Variants in SYNE1 observed in about 807,000 individuals in gnomAD.
The protein encoded by SYNE1 is spectrin repeat containing nuclear envelope protein 1, also known as nesprin-1.
In SYNE1, 616 loss-of-function variants were observed where a neutral mutation model predicts 1,111.0. That is an observed-to-expected ratio of 0.55 (90% CI 0.52 to 0.59). SYNE1 has a LOEUF of 0.59. SYNE1 is among the 20% of genes least tolerant of loss of function. The pLI, the probability that SYNE1 is intolerant of heterozygous loss-of-function variation, is 0.00. For missense variants in SYNE1, 10,006 were observed against 10,417.0 expected, an observed-to-expected ratio of 0.96 and a Z score of 1.72; for synonymous variants, 3,855 against 3,825.8, an observed-to-expected ratio of 1.01 and a Z score of -0.28.
In SYNE1 at chr6:152,138,512, AAAATAAATAAATAAAT is replaced by A. The variant is rs200341649; in HGVS notation, c.25458+1422_25458+1437del. Reference sequence around the variant, plus strand: ...GGTGATAGAGTGAGACTCTGTCTCAAAAATAAATAAATAAATAAATAAATAAATAAATAAATAAATA... The same window carrying A: ...GGTGATAGAGTGAGACTCTGTCTCAAAAATAAATAAATAAATAAATAAATA... On this transcript the variant is annotated intron_variant, in intron 140 of 145. Transcript: ENST00000367255. Among the ~76,000 whole-genome samples the A allele has an allele frequency of 5.2e-3, 740 of 141,846 alleles. 9 individuals are homozygous for A. The East Asian group carries it at 0.059, about 11-fold the overall frequency. The allele number at this position is 141,846 out of a possible 152,430, so 93.1% of individuals were successfully genotyped here. A position where few individuals can be genotyped will look rare whatever the true frequency, so the allele number is the denominator to read the frequency against.
At chr6:152,185,090 A>T (rs2069434004) in intron 128 of SYNE1, among the ~76,000 whole-genome samples, 1 of 152,204 alleles carries the variant, frequency 6.6e-6, no homozygotes, top group Non-Finnish European at 1.5e-5. Flanking sequence ...TGACAAAACA[A>T]CGAGCAATTA....
chr6:152,441,134 G>C lies in SYNE1; in HGVS notation c.4145C>G (p.Thr1382Arg). ...LESLSSELEQ[T>R]KEFSKRTESI... ...TACCAAGGAGCCATAATATACCTTTGTTTGTTCCAGTTCTGAAGATAAACT... is the reference window on the plus strand; with the variant it reads ...TACCAAGGAGCCATAATATACCTTTCTTTGTTCCAGTTCTGAAGATAAACT... Residue 1382 changes from threonine (T) to arginine (R), a missense_variant, in exon 32 of 146, where the codon ACA (threonine) becomes AGA (arginine). Physicochemically the swap from Thr to Arg is moderately conservative, Grantham distance 71. Coordinates refer to ENST00000367255, the MANE Select transcript of SYNE1 (RefSeq NM_182961.4). The C allele has an allele frequency of 6.2e-7, 1 of 1,613,416 alleles. No homozygotes were observed. The highest frequency in any genetic ancestry group is 1.1e-5 in the South Asian group (1 of 91,046).
chr6:152,144,518 G>A (rs1032721885), intron 137 of SYNE1: 19 of 151,632 alleles, frequency 1.3e-4, no homozygotes, highest in African/African-American at 3.7e-4. Flanking sequence ...CAAAGTCTTC[G>A]AACTACACAG....
At position 152,189,293 on chromosome 6, in the gene SYNE1, C is replaced by T. The variant is rs150550013; in HGVS notation, c.23260G>A (p.Val7754Ile). The T allele has an allele frequency of 3.3e-4, 533 of 1,613,962 alleles. 1 individual carries two copies. Among genetic ancestry groups the T allele is most frequent in the East Asian group, 4.9e-4 (22 of 44,850 alleles). The change falls in exon 128 of 146, where the codon GTA (valine) becomes ATA (isoleucine). Residue 7754 changes from valine (V) to isoleucine (I), a missense_variant. Transcript: ENST00000367255. The stretch of plus-strand genomic sequence containing the variant: ...TCCCACTGCCTTTGCAGAAGCTCTA[C>T]GCGTTCATTAAGAATGGAGATATCA... ...ADDISILNERVELLQRQWEEL... is the reference protein window; with the variant it reads ...ADDISILNERIELLQRQWEEL...
At chr6:152,386,835 A>G (rs2097533419) in intron 54 of SYNE1, among the ~76,000 whole-genome samples, 1 of 152,202 alleles carries the variant, frequency 6.6e-6, no homozygotes, top group Non-Finnish European at 1.5e-5. Context: ...AGCAATAAAG[A>G]ATAATCCCAA....
chr6:152,285,438 A>G (rs1234497502), intron 95 of SYNE1, among the ~76,000 whole-genome samples: 1 of 152,188 alleles, frequency 6.6e-6, no homozygotes, highest in African/African-American at 2.4e-5. Flanking sequence ...AATATCAATT[A>G]GGTCCTCTCA....
At chr6:152,223,011 A>G (rs2080535018) in intron 117 of SYNE1, among the ~76,000 whole-genome samples, 1 of 152,220 alleles carries the variant, frequency 6.6e-6, no homozygotes, top group African/African-American at 2.4e-5. Context: ...AGTTCTTCAT[A>G]AAACTCCACA....
intron 3 of SYNE1, among the ~76,000 whole-genome samples, chr6:152,595,794 C>G (rs1164239498): frequency 6.6e-6 from 1 of 152,110 alleles, no homozygotes; most frequent in Non-Finnish European, 1.5e-5. Context: ...CAGTAAACTT[C>G]AAGGTCACAC....
intron 3 of SYNE1, among the ~76,000 whole-genome samples, chr6:152,577,115 G>C (rs1236059653): frequency 6.6e-6 from 1 of 152,140 alleles, no homozygotes. Context: ...AAGTGTTTTT[G>C]TTCTTGACAA....
chr6:152,178,264 G>C (rs2066979799), intron 129 of SYNE1, among the ~76,000 whole-genome samples: 1 of 151,916 alleles, frequency 6.6e-6, no homozygotes, highest in Non-Finnish European at 1.5e-5. Flanking sequence ...AATGAGAATA[G>C]AGACAAACTT....
At chr6:152,130,979 G>A (rs1196014154) in intron 144 of SYNE1, among the ~76,000 whole-genome samples, 3 of 152,202 alleles carry the variant, frequency 2.0e-5, no homozygotes, top group Admixed American at 2.0e-4. Context: ...ATTAGCCACT[G>A]ATAAAACATT....
At chr6:152,290,578 A>T (rs369180026) in intron 95 of SYNE1, among the ~76,000 whole-genome samples, 3 of 152,214 alleles carry the variant, frequency 2.0e-5, no homozygotes, top group East Asian at 3.9e-4. Context: ...TCTATAAGAC[A>T]ATTTAGAGAG....
intron 3 of SYNE1, among the ~76,000 whole-genome samples, chr6:152,570,561 T>A (rs1218387020): frequency 1.3e-5 from 2 of 152,190 alleles, no homozygotes; most frequent in Non-Finnish European, 2.9e-5. Context: ...GAGGCTGGAC[T>A]TGCTGAGGCC....
chr6:152,230,599 T>G lies in SYNE1; in HGVS notation c.21143A>C (p.Gln7048Pro), dbSNP rs371446005. The change falls in exon 115 of 146, where the codon CAG becomes CCG. Residue 7048 changes from glutamine (Q) to proline (P), a missense_variant. By Grantham distance (76) the Gln-to-Pro change is moderately conservative. This residue lies in a region of SYNE1 where 2,182 missense variants were observed against 2,287.8 expected (regional missense o/e 0.95). Coordinates refer to ENST00000367255, the MANE Select transcript of SYNE1 (RefSeq NM_182961.4). ...FETQEKRLKQQHRIGDQASVQ... is the reference protein window; with the variant it reads ...FETQEKRLKQPHRIGDQASVQ... The stretch of plus-strand genomic sequence containing the variant: ...AGAAGCCTGATCTCCAATTCGATGC[T>G]GTTGTTTTAGTCTCTTTTCCTGGGT... The G allele has an allele frequency of 6.2e-7, 1 of 1,614,036 alleles. No homozygotes were observed. The highest frequency in any genetic ancestry group is 8.5e-7 in the Non-Finnish European group (1 of 1,180,006).
chr6:152,460,880 T>C (rs2098729513), intron 21 of SYNE1, among the ~76,000 whole-genome samples: 1 of 141,006 alleles, frequency 7.1e-6, no homozygotes, highest in Non-Finnish European at 1.5e-5. Context: ...TGGCGCGATC[T>C]GGGCTCACTG....
chr6:152,168,098 C>A (rs1364334967), intron 130 of SYNE1: 1 of 780,568 alleles, frequency 1.3e-6, no homozygotes, highest in African/African-American at 1.7e-5. Context: ...GGAAGAAACT[C>A]AAGAAGATGC....
In SYNE1 at chr6:152,135,330, T is replaced by C. The variant is rs2056808216; in HGVS notation, c.25660-98A>G. 2.2e-6 allele frequency: 3 copies of C among 1,395,340 alleles called. No individual in the cohort carries two copies. In the East Asian group the frequency reaches 7.5e-5, roughly 35 times the overall value. The allele number at this position is 1,395,340 out of a possible 1,614,324, so 86.4% of individuals were successfully genotyped here. A position where few individuals can be genotyped will look rare whatever the true frequency, so the allele number is the denominator to read the frequency against. ...TGCCACCATTAGCAAACATACTTGGTTTTAAGAACATACATGCAACTCCTT... is the reference window on the plus strand; with the variant it reads ...TGCCACCATTAGCAAACATACTTGGCTTTAAGAACATACATGCAACTCCTT... On this transcript the variant is annotated intron_variant, in intron 141 of 145. Coordinates refer to ENST00000367255, the MANE Select transcript of SYNE1 (RefSeq NM_182961.4).
chr6:152,543,003 G>T (rs2099279091), intron 3 of SYNE1, among the ~76,000 whole-genome samples: 2 of 152,014 alleles, frequency 1.3e-5, no homozygotes, highest in Admixed American at 6.6e-5. Context: ...GGCATAATAT[G>T]TTAATGTTAT....
intron 21 of SYNE1, among the ~76,000 whole-genome samples, chr6:152,459,902 A>C (rs1022337565): frequency 9.9e-5 from 15 of 152,214 alleles, no homozygotes; most frequent in Non-Finnish European, 1.6e-4. Context: ...GTATGAAGAA[A>C]CGTTTTTATG....
Sources: gnomAD v4.1 joint callset for allele counts (sites outside exome capture counted in the v4.1 genomes callset) on GRCh38, gnomAD v4.1.1 for gene constraint, gnomAD v4.1.1 regional missense constraint, MANE v1.5 for transcripts, NCBI Gene and HGNC (gene_info 2026-07-23, HGNC 2026-07-21) for gene names.